Variants in ZC3H12B observed in about 807,000 individuals in gnomAD.
ZC3H12B encodes the protein zinc finger CCCH-type containing 12B, also known as probable ribonuclease ZC3H12B.
A neutral mutation model predicts 43.9 loss-of-function variants in ZC3H12B; 7 were observed. The observed-to-expected ratio is 0.16, with a 90% CI of 0.09 to 0.30. The LOEUF (loss-of-function observed/expected upper bound fraction) is 0.30. Ranked by LOEUF, ZC3H12B falls within the 10% of genes least tolerant of loss-of-function variation. The pLI, the probability that ZC3H12B is intolerant of heterozygous loss-of-function variation, is 1.00. For missense variants in ZC3H12B, 475 were observed against 670.2 expected (o/e 0.71, Z 3.22); for synonymous variants, 222 against 241.7 (o/e 0.92, Z 0.76).
At chrX:65,267,755 T>C in the ZC3H12B span, among the ~76,000 whole-genome samples, 1 of 111,517 alleles carries the variant, frequency 9.0e-6, no homozygotes, top group Admixed American at 9.6e-5. Flanking sequence ...CATATCAAAA[T>C]CTATGTGATT....
At chrX:65,251,701 A>T in the ZC3H12B span, among the ~76,000 whole-genome samples, 15 of 111,540 alleles carry the variant, frequency 1.3e-4, no homozygotes, top group Non-Finnish European at 2.4e-4. Context: ...CTTTGAAGCA[A>T]TTGTGAATGG....
chrX:65,303,093 T>C, the ZC3H12B span, among the ~76,000 whole-genome samples: 1 of 111,894 alleles, frequency 8.9e-6, no homozygotes. Flanking sequence ...AATTTGAGTA[T>C]TGTGATGGTT....
chrX:65,233,431 CAAT>C, the ZC3H12B span, among the ~76,000 whole-genome samples: 5 of 108,687 alleles, frequency 4.6e-5, no homozygotes, highest in South Asian at 3.8e-4. Flanking sequence ...AACTACAAAT[CAAT>C]AATAAGAAGA....
the ZC3H12B span, among the ~76,000 whole-genome samples, chrX:65,284,359 A>G: frequency 6.3e-5 from 7 of 111,449 alleles, no homozygotes; most frequent in Non-Finnish European, 1.3e-4. Context: ...GGAATCCCAG[A>G]TAAGGAATTT....
At chrX:65,130,578 T>C in the ZC3H12B span, among the ~76,000 whole-genome samples, 2 of 111,413 alleles carry the variant, frequency 1.8e-5, no homozygotes, top group Non-Finnish European at 3.8e-5. Flanking sequence ...GATGGAAGAC[T>C]GAGAAGTGAC....
chrX:65,140,102 C>T, the ZC3H12B span, among the ~76,000 whole-genome samples: 3 of 110,557 alleles, frequency 2.7e-5, no homozygotes, highest in East Asian at 8.5e-4. Flanking sequence ...TGCTTAATTG[C>T]TCTGACAAGG....
At chrX:65,044,575 G>GAAAGAGC in the ZC3H12B span, among the ~76,000 whole-genome samples, 1 of 111,482 alleles carries the variant, frequency 9.0e-6, no homozygotes, top group East Asian at 2.8e-4. Flanking sequence ...CTTCCACATG[G>GAAAGAGC]AAAGAGCAAG....
chrX:65,151,547 C>A, the ZC3H12B span, among the ~76,000 whole-genome samples: 7 of 111,803 alleles, frequency 6.3e-5, no homozygotes, highest in Non-Finnish European at 9.4e-5. Flanking sequence ...ACTCAGATTA[C>A]CAAGGAATCT....
the ZC3H12B span, among the ~76,000 whole-genome samples, chrX:65,045,947 A>T: frequency 8.9e-6 from 1 of 111,786 alleles, no homozygotes; most frequent in Non-Finnish European, 1.9e-5. Context: ...TGTATTTTCA[A>T]TGAGCAGTAA....
intron 3 of ZC3H12B, among the ~76,000 whole-genome samples, chrX:65,430,809 G>T (rs969775456): frequency 2.7e-5 from 3 of 111,123 alleles, no homozygotes; most frequent in African/African-American, 9.8e-5. Context: ...GGCTGAGGAT[G>T]GGGGTTCACT....
chrX:65,113,578 T>C, the ZC3H12B span, among the ~76,000 whole-genome samples: 2 of 103,647 alleles, frequency 1.9e-5, no homozygotes, highest in South Asian at 8.1e-4. Flanking sequence ...AAAAAAAAAA[T>C]GCTATCTAAA....
chrX:65,078,190 T>TA, the ZC3H12B span, among the ~76,000 whole-genome samples: 1 of 112,147 alleles, frequency 8.9e-6, no homozygotes, highest in Non-Finnish European at 1.9e-5. Context: ...GAATTAATGT[T>TA]AAGTTTGAGA....
At chrX:65,497,352 T>A in intron 2 of ZC3H12B, 81 bp downstream of exon 7, 2 of 941,230 alleles carry the variant, frequency 2.1e-6, no homozygotes, top group East Asian at 3.3e-5. Context: ...AATTTAGATA[T>A]TTATTTTTCA....
At chrX:65,421,296 A>T (rs1374742818) in intron 3 of ZC3H12B, among the ~76,000 whole-genome samples, 1 of 112,409 alleles carries the variant, frequency 8.9e-6, no homozygotes, top group African/African-American at 3.2e-5. Flanking sequence ...CAAAATGGTC[A>T]TGATGGTAGG....
At chrX:65,393,110 G>A (rs755591705) in intron 2 of ZC3H12B, among the ~76,000 whole-genome samples, 6 of 110,788 alleles carry the variant, frequency 5.4e-5, no homozygotes, top group Non-Finnish European at 1.1e-4. Context: ...CAAACACTGC[G>A]GAAGGCCACA....
At position 65,381,748 on chromosome X, in the gene ZC3H12B, G is replaced by T. The variant is rs756720541; in HGVS notation, n.295+12750G>T. Among the ~76,000 whole-genome samples, 358 of 111,678 alleles carry T rather than the reference G, an allele frequency of 3.2e-3. 1 individual carries two copies. The highest frequency in any genetic ancestry group is 5.7e-3 in the Non-Finnish European group (305 of 53,083). On this transcript the variant is annotated intron_variant and non_coding_transcript_variant, in intron 2 of 5. Transcript: ENST00000617377. ...GAAAAGAGAGTAGAATCAAACACAT[G>T]CAATAAAAAATGATAAAGGGGATAT... is the stretch of plus-strand genomic sequence containing the variant.
chrX:65,415,182 T>C (rs2066945751), intron 3 of ZC3H12B, among the ~76,000 whole-genome samples: 1 of 112,499 alleles, frequency 8.9e-6, no homozygotes, highest in African/African-American at 3.2e-5. Flanking sequence ...CTAGAATCAA[T>C]AAAAAGGAAT....
intron 3 of ZC3H12B, among the ~76,000 whole-genome samples, chrX:65,454,439 C>T (rs2067573860): frequency 8.9e-6 from 1 of 111,947 alleles, no homozygotes; most frequent in Non-Finnish European, 1.9e-5. Context: ...GGGAGGGGCG[C>T]CCACCATTGC....
At chrX:65,458,558 C>T (rs1220446640) in intron 3 of ZC3H12B, among the ~76,000 whole-genome samples, 2 of 111,968 alleles carry the variant, frequency 1.8e-5, no homozygotes, top group Non-Finnish European at 3.8e-5. Flanking sequence ...AAGAAACTCA[C>T]TCAAAACCGC....
Sources: gnomAD v4.1 joint callset for allele counts (sites outside exome capture counted in the v4.1 genomes callset) on GRCh38, gnomAD v4.1.1 for gene constraint, MANE v1.5 for transcripts, NCBI Gene and HGNC (gene_info 2026-07-23, HGNC 2026-07-21) for gene names.